Variants in GYS1 observed in about 807,000 individuals in gnomAD.
GYS1 encodes the protein glycogen [starch] synthase, muscle.
Under a neutral mutation model 89.1 loss-of-function variants are expected in GYS1, and 60 were observed. The observed-to-expected ratio is 0.67, with a 90% CI of 0.55 to 0.84. The LOEUF (loss-of-function observed/expected upper bound fraction) is 0.84, where lower values mean the gene tolerates loss of function less well. GYS1 is among the 40% of genes least tolerant of loss of function. GYS1 has a pLI of 0.00. For synonymous variants in GYS1, 366 were observed against 401.7 expected (o/e 0.91, Z 1.06); for missense variants, 888 against 1,003.1 (o/e 0.89, Z 1.55).
chr19:48,970,000 C>T lies in GYS1; in HGVS notation c.1810-145G>A, dbSNP rs1269841763. ...ATAATCCATCTATCTGACTCCACCC[C>T]TTATGTAGATAAGCAGACCTGTGAA... On this transcript the variant is annotated intron_variant, in intron 14 of 15. Transcript: ENST00000323798. The T allele has an allele frequency of 1.8e-5, 12 of 658,796 alleles. No individual in the cohort carries two copies. In the East Asian group the frequency reaches 2.7e-4, roughly 15 times the overall value. The allele number at this position is 658,796 out of a possible 1,614,324, so 40.8% of individuals were successfully genotyped here.
rs1471799644 is a variant in GYS1, at chr19:48,969,173, C to T, written c.*115G>A. On this transcript the variant is annotated 3_prime_UTR_variant, in exon 16 of 16. Transcript: ENST00000323798. ...GAGTGTTTGGCGGACTGGGTGGGGG[C>T]ACTGCGGGGCCACACCCAGTGCAGA... 2 of 926,414 alleles carry T rather than the reference C, an allele frequency of 2.2e-6. No individual in the cohort carries two copies. Among genetic ancestry groups the T allele is most frequent in the Non-Finnish European group, 3.2e-6 (2 of 622,616 alleles). The allele number at this position is 926,414 out of a possible 1,614,324, so 57.4% of individuals were successfully genotyped here. A position where few individuals can be genotyped will look rare whatever the true frequency, so the allele number is the denominator to read the frequency against.
chr19:48,969,879 C>A (rs1463610044), intron 14 of GYS1, 24 bp from the exon 15 acceptor site: 8 of 1,581,576 alleles, frequency 5.1e-6, no homozygotes, highest in South Asian at 1.1e-5. Context: ...GGAGAGGGGG[C>A]AGAGGATGTG....
chr19:48,973,368 TATCA>T (rs995688886), intron 12 of GYS1, among the ~76,000 whole-genome samples: 30 of 151,936 alleles, frequency 2.0e-4, no homozygotes, highest in African/African-American at 6.5e-4. Context: ...TAGTACTATC[TATCA>T]ATCTATCTAT....
chr19:48,987,125 T>A, intron 3 of GYS1, 69 bp downstream of exon 3: 1 of 1,129,458 alleles, frequency 8.9e-7, no homozygotes, highest in Non-Finnish European at 1.3e-6. Flanking sequence ...GAGAAGCCCA[T>A]CCTCTGGCCC....
At chr19:48,977,769 C>T (rs967084474) in intron 10 of GYS1, among the ~76,000 whole-genome samples, 155 bp downstream of exon 10, 6 of 152,086 alleles carry the variant, frequency 3.9e-5, no homozygotes, top group African/African-American at 4.8e-5. Flanking sequence ...CGAGTCAGCA[C>T]GTGCCCTTCT....
chr19:48,988,216 C>G (rs2038871386), intron 2 of GYS1, among the ~76,000 whole-genome samples: 1 of 152,226 alleles, frequency 6.6e-6, no homozygotes, highest in African/African-American at 2.4e-5. Context: ...TGTCTGGCCA[C>G]TCTGCAAATC....
At chr19:48,973,113 G>A (rs550818807) in intron 12 of GYS1, among the ~76,000 whole-genome samples, 3 of 152,234 alleles carry the variant, frequency 2.0e-5, no homozygotes, top group African/African-American at 7.2e-5. Flanking sequence ...TTCCCCCGCC[G>A]CTGTTCTCAT....
chr19:48,977,840 T>C lies in GYS1; in HGVS notation c.1308+84A>G, dbSNP rs2038682665. ...CAGGAGAAAGCAGGACTCCCAGCAA[T>C]CTCTGGGGTCTGAGCTGGCCTGGCA... On this transcript the variant is annotated intron_variant, in intron 10 of 15. Coordinates refer to ENST00000323798, the MANE Select transcript of GYS1 (RefSeq NM_002103.5). The C allele has an allele frequency of 6.1e-6, 6 of 986,948 alleles. No homozygotes were observed. In the South Asian group the frequency reaches 6.4e-5, roughly 11 times the overall value. The allele number at this position is 986,948 out of a possible 1,614,324, so 61.1% of individuals were successfully genotyped here.
chr19:48,971,802 C>T (rs551949736), intron 12 of GYS1, among the ~76,000 whole-genome samples: 12 of 151,316 alleles, frequency 7.9e-5, no homozygotes, highest in African/African-American at 2.9e-4. Flanking sequence ...GTGATCCATC[C>T]GTCTTGGCTT....
At chr19:48,972,164 CCT>C (rs761575693) in intron 12 of GYS1, among the ~76,000 whole-genome samples, 8 of 151,726 alleles carry the variant, frequency 5.3e-5, no homozygotes, top group African/African-American at 1.7e-4. Context: ...ATGGTGAAAC[CCT>C]GTGTCTAATA....
chr19:48,978,799 T>C (rs1019580486), intron 8 of GYS1, among the ~76,000 whole-genome samples: 3 of 151,940 alleles, frequency 2.0e-5, no homozygotes, highest in African/African-American at 7.3e-5. Context: ...CCTCCCAAAG[T>C]GCTGGAATTA....
rs2038778020 is a variant in GYS1 at position 48,982,313 on chromosome 19, G to A, written c.1004C>T (p.Ser335Phe). 6.2e-7 allele frequency: 1 copy of A among 1,613,872 alleles called. No homozygotes were observed. The highest frequency in any genetic ancestry group is 8.5e-7 in the Non-Finnish European group (1 of 1,179,858). ...CAGGAAGACGTCAGCACCCTTGTTG[G>A]AGAACTCATAGCGGCCGGCGATAAA... ...YFFIAGRYEFSNKGADVFLEA... is the reference protein window; with the variant it reads ...YFFIAGRYEFFNKGADVFLEA... The change falls in exon 7 of 16, where the codon TCC (serine) becomes TTC (phenylalanine). Residue 335 changes from serine to phenylalanine, a missense_variant. Physicochemically the swap from Ser to Phe is radical, Grantham distance 155. Transcript: ENST00000323798.
In GYS1 at chr19:48,969,416, G is replaced by A. The variant is rs1217526975; in HGVS notation, c.2086C>T (p.Arg696Ter). ...CTGGTGGAGGAGGTGCAGGACGCTC[G>A]GCGCGGCCACTCTGGTGCACGGATG... Reference protein sequence around the residue: ...RNIRAPEWPRRASCTSSTSGS... With the variant: ...RNIRAPEWPR The change falls in exon 16 of 16, where the codon CGA (arginine) becomes TGA (stop). Residue 696 changes from arginine (R) to a stop codon, truncating the protein, a stop_gained. Transcript: ENST00000323798. LOFTEE classifies it high-confidence loss of function. 5 of 1,548,834 alleles carry A rather than the reference G, an allele frequency of 3.2e-6. No homozygotes were observed. Among genetic ancestry groups the A allele is most frequent in the East Asian group, 2.4e-5 (1 of 41,194 alleles).
chr19:48,979,943 G>A (rs1027597228), intron 8 of GYS1, among the ~76,000 whole-genome samples: 10 of 151,710 alleles, frequency 6.6e-5, no homozygotes, highest in Admixed American at 2.0e-4. Context: ...CACCACGCCC[G>A]ACTTCTTTTT....
At position 48,968,580 on chromosome 19, in the gene GYS1, G is replaced by C. The variant is rs1451221014; in HGVS notation, c.*708C>G. Reference sequence around the variant, plus strand: ...CAGAAAGGGCCAGAAAGACAGGAAGGCATCTGGACTGAGACTGTGTGTCCT... The same window carrying C: ...CAGAAAGGGCCAGAAAGACAGGAAGCCATCTGGACTGAGACTGTGTGTCCT... On this transcript the variant is annotated 3_prime_UTR_variant, in exon 16 of 16. Coordinates refer to ENST00000323798, the MANE Select transcript of GYS1 (RefSeq NM_002103.5). The C allele has an allele frequency of 2.2e-6, 1 of 454,462 alleles. No individual in the cohort carries two copies. Among genetic ancestry groups the C allele is most frequent in the South Asian group, 1.6e-5 (1 of 64,472 alleles). 28.2% of individuals were successfully genotyped at this position (454,462 alleles called of 1,614,324 possible). A position where few individuals can be genotyped will look rare whatever the true frequency, so the allele number is the denominator to read the frequency against.
At chr19:48,988,705 C>T (rs1037444798) in intron 2 of GYS1, among the ~76,000 whole-genome samples, 2 of 152,246 alleles carry the variant, frequency 1.3e-5, no homozygotes, top group African/African-American at 4.8e-5. Flanking sequence ...GCTTCGATCT[C>T]CCAGGCTCAA....
At chr19:48,975,497 C>G (rs531595753) in intron 10 of GYS1, among the ~76,000 whole-genome samples, 9 of 152,232 alleles carry the variant, frequency 5.9e-5, no homozygotes, top group Admixed American at 5.9e-4. Context: ...TTGCAGCTAC[C>G]TTGTTCTGTA....
chr19:48,978,095 C>T lies in GYS1; in HGVS notation c.1229+3G>A, dbSNP rs1250884922. On this transcript the variant is annotated splice_donor_region_variant and intron_variant, in intron 9 of 15. Coordinates refer to ENST00000323798, the MANE Select transcript of GYS1 (RefSeq NM_002103.5). ...GGCACAGGGCTGAGGGTGGGGCACT[C>T]ACACCAGTAAGGATTCATAAAGCTT... 1 of 1,613,618 alleles carries T rather than the reference C, an allele frequency of 6.2e-7. No homozygotes were observed. Among genetic ancestry groups the T allele is most frequent in the South Asian group, 1.1e-5 (1 of 91,068 alleles).
Position 48,982,388 on chromosome 19 carries a change from CA to C in GYS1, c.942-14del. ...GAAGTCCAGATGCCTAAAGAACCCA[CA>C]AGGCACGGTAAAGCCCAAAGCCCTC... On this transcript the variant is annotated splice_polypyrimidine_tract_variant and intron_variant, in intron 6 of 15. Coordinates refer to ENST00000323798, the MANE Select transcript of GYS1 (RefSeq NM_002103.5). 1 of 1,613,684 alleles carries C rather than the reference CA, an allele frequency of 6.2e-7. No homozygotes were observed. Among genetic ancestry groups the C allele is most frequent in the Non-Finnish European group, 8.5e-7 (1 of 1,179,790 alleles).
Sources: allele counts gnomAD v4.1 joint callset (sites outside exome capture counted in the v4.1 genomes callset), GRCh38; gene constraint gnomAD v4.1.1; transcripts MANE v1.5; gene names NCBI Gene and HGNC (gene_info 2026-07-23, HGNC 2026-07-21).